ARNT2: variants seen among roughly 807,000 people sequenced by gnomAD.
ARNT2 encodes the protein aryl hydrocarbon receptor nuclear translocator 2.
ARNT2 carries 36 observed loss-of-function variants against 91.7 expected under a neutral mutation model. The ratio of observed to expected loss-of-function variants is 0.39; its 90% confidence interval spans 0.30 to 0.52. ARNT2 has a LOEUF of 0.52. ARNT2 is among the 20% of genes least tolerant of loss of function. The pLI, the probability that ARNT2 is intolerant of heterozygous loss-of-function variation, is 0.72. For synonymous variants in ARNT2, 365 were observed against 347.1 expected (o/e 1.05, Z -0.57); for missense variants, 775 against 939.3 (o/e 0.83, Z 2.29).
intron 8 of ARNT2, among the ~76,000 whole-genome samples, chr15:80,518,185 C>T (rs1468902606): frequency 6.6e-6 from 1 of 150,782 alleles, no homozygotes; most frequent in Non-Finnish European, 1.5e-5. Context: ...AATATTGTAG[C>T]TATAGGTTCC....
In ARNT2 at chr15:80,536,993, G is replaced by A. The variant is rs565558591; in HGVS notation, c.878-14206G>A. Among the ~76,000 whole-genome samples the A allele has an allele frequency of 9.9e-4, 151 of 152,288 alleles. 1 individual carries two copies. The highest frequency in any genetic ancestry group is 3.5e-3 in the African/African-American group (147 of 41,556). On this transcript the variant is annotated intron_variant, in intron 8 of 18. Transcript: ENST00000303329. Reference sequence around the variant, plus strand: ...GTGGCCTCAGGGTGATGTTCAGTGTGACTGTGCCAGAGCCATCATTACATG... The same window carrying A: ...GTGGCCTCAGGGTGATGTTCAGTGTAACTGTGCCAGAGCCATCATTACATG...
intron 8 of ARNT2, among the ~76,000 whole-genome samples, chr15:80,540,253 A>G (rs1357369398): frequency 1.3e-5 from 2 of 152,204 alleles, no homozygotes; most frequent in African/African-American, 2.4e-5. Context: ...GAATAGTCGC[A>G]CCATTTTACA....
At chr15:80,487,107 C>A (rs60257108) in intron 5 of ARNT2, among the ~76,000 whole-genome samples, 5 of 152,144 alleles carry the variant, frequency 3.3e-5, no homozygotes, top group Non-Finnish European at 7.4e-5. Flanking sequence ...CCGTGCAGAC[C>A]CAGGCAGGCA....
chr15:80,501,276 G>A (rs1897189488), intron 5 of ARNT2, among the ~76,000 whole-genome samples: 1 of 151,348 alleles, frequency 6.6e-6, no homozygotes, highest in South Asian at 2.1e-4. Context: ...TATTAAAAGA[G>A]CCTTTAAAAT....
chr15:80,516,148 G>A (rs1380420613), intron 8 of ARNT2, among the ~76,000 whole-genome samples: 1 of 152,188 alleles, frequency 6.6e-6, no homozygotes, highest in Non-Finnish European at 1.5e-5. Flanking sequence ...TGGGATGACA[G>A]GCGTGAGCCA....
chr15:80,475,849 T>A (rs1055089329), intron 5 of ARNT2, among the ~76,000 whole-genome samples: 1 of 152,188 alleles, frequency 6.6e-6, no homozygotes, highest in Admixed American at 6.5e-5. Flanking sequence ...CCATAAACAT[T>A]CATTACCCAG....
intron 14 of ARNT2, among the ~76,000 whole-genome samples, chr15:80,576,294 TG>T (rs1176208972): frequency 2.4e-4 from 36 of 149,724 alleles, no homozygotes; most frequent in Admixed American, 2.1e-3. Flanking sequence ...TTTTTTTTTT[TG>T]AGGTGGAGTC....
intron 5 of ARNT2, among the ~76,000 whole-genome samples, chr15:80,495,506 G>A (rs1042754679): frequency 2.0e-5 from 3 of 152,212 alleles, no homozygotes; most frequent in African/African-American, 7.2e-5. Flanking sequence ...GCAGTTCCGG[G>A]AGGTAGAAGT....
chr15:80,499,843 GGATTA>G (rs1897167422), intron 5 of ARNT2, among the ~76,000 whole-genome samples: 1 of 152,180 alleles, frequency 6.6e-6, no homozygotes, highest in Admixed American at 6.5e-5. Flanking sequence ...TCATAATGAA[GGATTA>G]GTATGAGAGC....
intron 12 of ARNT2, among the ~76,000 whole-genome samples, chr15:80,568,554 G>A (rs547279583): frequency 3.9e-5 from 6 of 152,184 alleles, no homozygotes; most frequent in Non-Finnish European, 7.3e-5. Context: ...GTGGCCACCT[G>A]GTTGGTCCTA....
chr15:80,409,667 G>A (rs1383178377), intron 1 of ARNT2, among the ~76,000 whole-genome samples: 2 of 152,144 alleles, frequency 1.3e-5, no homozygotes, highest in African/African-American at 4.8e-5. Context: ...TCACAAAAGA[G>A]TAACACAATT....
chr15:80,489,671 CA>C (rs1414125788), intron 5 of ARNT2, among the ~76,000 whole-genome samples: 1 of 152,190 alleles, frequency 6.6e-6, no homozygotes, highest in Non-Finnish European at 1.5e-5. Context: ...CTGGCCACCT[CA>C]GAAGATAGCC....
chr15:80,593,441 G>A (rs1358551014), intron 18 of ARNT2, among the ~76,000 whole-genome samples, 159 bp from the exon 19 acceptor site: 1 of 152,240 alleles, frequency 6.6e-6, no homozygotes, highest in East Asian at 1.9e-4. Flanking sequence ...GACATTTGAG[G>A]ACCCTTGCAG....
chr15:80,543,406 T>C (rs1441857734), intron 8 of ARNT2, among the ~76,000 whole-genome samples: 1 of 152,230 alleles, frequency 6.6e-6, no homozygotes, highest in Non-Finnish European at 1.5e-5. Flanking sequence ...ACAGCTACAG[T>C]GGGCACTTCT....
chr15:80,538,482 C>A (rs1897857208), intron 8 of ARNT2, among the ~76,000 whole-genome samples: 1 of 152,068 alleles, frequency 6.6e-6, no homozygotes, highest in Non-Finnish European at 1.5e-5. Context: ...TACAAAGGAA[C>A]CTGTCCCAAC....
chr15:80,478,560 C>T (rs998602480), intron 5 of ARNT2, among the ~76,000 whole-genome samples: 1 of 152,204 alleles, frequency 6.6e-6, no homozygotes, highest in African/African-American at 2.4e-5. Flanking sequence ...TGCCTATGGG[C>T]CAAGCCCGTC....
intron 3 of ARNT2, among the ~76,000 whole-genome samples, chr15:80,462,183 C>T (rs1182548639): frequency 1.4e-5 from 2 of 147,770 alleles, no homozygotes; most frequent in African/African-American, 5.0e-5. Flanking sequence ...GGGCATCTTC[C>T]TACTTTAATG....
At chr15:80,559,050 G>T (rs984788373) in intron 11 of ARNT2, among the ~76,000 whole-genome samples, 5 of 152,130 alleles carry the variant, frequency 3.3e-5, no homozygotes, top group African/African-American at 4.8e-5. Context: ...AGGTGCAGTT[G>T]CCTGCCCCAG....
At chr15:80,414,083 A>G (rs536154277) in intron 1 of ARNT2, among the ~76,000 whole-genome samples, 13 of 152,196 alleles carry the variant, frequency 8.5e-5, no homozygotes, top group Non-Finnish European at 1.9e-4. Context: ...GCCACACAAA[A>G]TAGTATTGTC....
Sources: gnomAD v4.1 joint callset for allele counts (sites outside exome capture counted in the v4.1 genomes callset) on GRCh38, gnomAD v4.1.1 for gene constraint, MANE v1.5 for transcripts, NCBI Gene and HGNC (gene_info 2026-07-23, HGNC 2026-07-21) for gene names.